COL6A3: variants seen among roughly 807,000 people sequenced by gnomAD.
COL6A3 encodes collagen alpha-3(VI) chain.
In COL6A3, 137 loss-of-function variants were observed where a neutral mutation model predicts 274.1. The observed-to-expected ratio is 0.50, with a 90% CI of 0.44 to 0.58. The LOEUF is 0.58. Among genes scored for constraint, COL6A3 ranks in the 20% least tolerant of loss-of-function variants. COL6A3 has a pLI of 0.00. For missense variants in COL6A3, 3,950 were observed against 4,124.9 expected, an observed-to-expected ratio of 0.96 and a Z score of 1.16; for synonymous variants, 1,650 against 1,650.6, an observed-to-expected ratio of 1.00 and a Z score of 0.01.
chr2:237,340,074 G>C (rs112589267), intron 38 of COL6A3, among the ~76,000 whole-genome samples: 2 of 152,118 alleles, frequency 1.3e-5, no homozygotes, highest in African/African-American at 4.8e-5. Flanking sequence ...AGCTTTCCCC[G>C]GTGCCCCTAA....
At chr2:237,357,507 T>G in intron 22 of COL6A3, 116 bp from the exon 23 acceptor site, 1 of 974,688 alleles carries the variant, frequency 1.0e-6, no homozygotes, top group South Asian at 1.3e-5. Flanking sequence ...AGAGCCCGTC[T>G]GCAGGACAGT....
In COL6A3 at chr2:237,351,269, C is replaced by G. The variant is rs551917490; in HGVS notation, c.6754-77G>C. ...AATTGGTCTCTGAAACCTGACTCTC[C>G]CCTGCATGGAAGTCAGAGCCCGCCA... is the stretch of plus-strand genomic sequence containing the variant. On this transcript the variant is annotated intron_variant, in intron 26 of 43. Coordinates refer to ENST00000295550, the MANE Select transcript of COL6A3 (RefSeq NM_004369.4). The G allele has an allele frequency of 3.5e-6, 5 of 1,411,968 alleles. No individual in the cohort carries two copies. The East Asian group carries it at 6.8e-5, about 19-fold the overall frequency. 87.5% of individuals were successfully genotyped at this position (1,411,968 alleles called of 1,614,324 possible).
Position 237,368,569 on chromosome 2 carries a change from G to T in COL6A3, c.4894C>A (p.Arg1632=). 6.2e-7 allele frequency: 1 copy of T among 1,614,144 alleles called. No homozygotes were observed. The highest frequency in any genetic ancestry group is 1.7e-5 in the Admixed American group (1 of 60,024). The change falls in exon 10 of 44, where the codon CGG becomes AGG. Residue 1632 remains arginine, a synonymous_variant. Transcript: ENST00000295550. This position sits in a 1 kb window ranked among gnomAD's most constrained non-coding sequence, Gnocchi z 4.4. ...PPGVDTPPPS[R]PEKKKADIVF... ...TGGGTCACACGGTGCATACCTGGCCGTGAAGGAGGAGGGGTGTCCACCCCT... is the reference window on the plus strand; with the variant it reads ...TGGGTCACACGGTGCATACCTGGCCTTGAAGGAGGAGGGGTGTCCACCCCT...
rs774406266 is a variant in COL6A3, at chr2:237,374,895, G to A, written c.3196C>T (p.Arg1066Cys). Residue 1066 changes from arginine to cysteine, a missense_variant, in exon 8 of 44, where the codon CGC (arginine) becomes TGC (cysteine). Coordinates refer to ENST00000295550, the MANE Select transcript of COL6A3 (RefSeq NM_004369.4). This position sits in a 1 kb window ranked among gnomAD's most constrained non-coding sequence, Gnocchi z 4.8. ...ESLDVGQDRV[R>C]VAVVQYSDRT... ...TCGCTGTACTGCACCACGGCCACGC[G>A]GACCCGGTCCTGGCCCACATCCAGG... 57 of 1,613,854 alleles carry A rather than the reference G, an allele frequency of 3.5e-5. No individual in the cohort carries two copies. The East Asian group carries it at 3.6e-4, about 10-fold the overall frequency.
At chr2:237,352,887 A>G (rs2077236743) in intron 25 of COL6A3, among the ~76,000 whole-genome samples, 1 of 152,216 alleles carries the variant, frequency 6.6e-6, no homozygotes, top group Non-Finnish European at 1.5e-5. Flanking sequence ...ATCTCCATCA[A>G]CCAATGAGTG....
rs1462613482 is a variant in COL6A3 at position 237,333,534 on chromosome 2, G to C, written c.9244C>G (p.Pro3082Ala). ...GCTGACCTTGCTGGCTGTGGAGGTG[G>C]GGGCTGAGATTTCTCTATAAAAGAA... is the stretch of plus-strand genomic sequence containing the variant. Reference protein sequence around the residue: ...GSFSTKKSQPPPPQPARSASS... With the variant: ...GSFSTKKSQPAPPQPARSASS... The change falls in exon 42 of 44, where the codon CCA becomes GCA. Residue 3082 changes from proline (P) to alanine (A), a missense_variant. Pro to Ala is a conservative substitution (Grantham distance 27). Transcript: ENST00000295550. 6.2e-7 allele frequency: 1 copy of C among 1,614,034 alleles called. No individual in the cohort carries two copies.
intron 1 of COL6A3, among the ~76,000 whole-genome samples, chr2:237,399,082 T>C (rs1277612393): frequency 6.6e-6 from 1 of 152,172 alleles, no homozygotes; most frequent in Non-Finnish European, 1.5e-5. Context: ...TGGTGCTCAA[T>C]AGCACCTGCC....
At position 237,366,848 on chromosome 2, in the gene COL6A3, T is replaced by C. The variant is rs750040219; in HGVS notation, c.5339A>G (p.Asn1780Ser). 1.1e-5 allele frequency: 17 copies of C among 1,614,124 alleles called. No homozygotes were observed. The highest frequency in any genetic ancestry group is 1.4e-5 in the Non-Finnish European group (16 of 1,180,044). The change falls in exon 11 of 44, where the codon AAT (asparagine) becomes AGT (serine). Residue 1780 changes from asparagine (N) to serine (S), a missense_variant. Asn to Ser is a conservative substitution (Grantham distance 46, BLOSUM62 1). Transcript: ENST00000295550. ...GVKVFAVGVR[N>S]IDSEEVGKIA... is the part of the protein sequence containing the mutation. ...CTTTCCAACCTCCTCCGAGTCGATA[T>C]TCCTCACTCCAACAGCAAACACTTT...
Position 237,340,907 on chromosome 2 carries a change from G to T in COL6A3, c.8009C>A (p.Ala2670Glu). Reference sequence around the variant, plus strand: ...GGCATTGTCCACGGACTCAGAGGGCGCGTGCTGCACAACTGCCACTCTGGC... The same window carrying T: ...GGCATTGTCCACGGACTCAGAGGGCTCGTGCTGCACAACTGCCACTCTGGC... ...HFARVAVVQHAPSESVDNASM... is the reference protein window; with the variant it reads ...HFARVAVVQHEPSESVDNASM... The change falls in exon 38 of 44, where the codon GCG becomes GAG. Residue 2670 changes from alanine to glutamate, a missense_variant. Ala to Glu is a moderately radical substitution (Grantham distance 107). Transcript: ENST00000295550. 6.2e-7 allele frequency: 1 copy of T among 1,613,320 alleles called. No homozygotes were observed. The highest frequency in any genetic ancestry group is 8.5e-7 in the Non-Finnish European group (1 of 1,179,396).
Position 237,368,096 on chromosome 2 carries a change from C to T in COL6A3, c.4900+467G>A, listed in dbSNP as rs780582685. ...CACTTTGCTTTTGCAGCCCCAAAGA[C>T]GAGAACCAGGAGCACGGGGTAGAAG... On this transcript the variant is annotated intron_variant, in intron 10 of 43. Transcript: ENST00000295550. The surrounding 1 kb of genome is among the most constrained non-coding windows in gnomAD (Gnocchi z 4.4). Among the ~76,000 whole-genome samples, 1 of 152,198 alleles carries T rather than the reference C, an allele frequency of 6.6e-6. No individual in the cohort carries two copies. The highest frequency in any genetic ancestry group is 1.5e-5 in the Non-Finnish European group (1 of 68,046).
rs756868781 is a variant in COL6A3, at chr2:237,340,716, G to A, written c.8200C>T (p.Arg2734Trp). 8 of 1,614,040 alleles carry A rather than the reference G, an allele frequency of 5.0e-6. No homozygotes were observed. In the South Asian group the frequency reaches 6.6e-5, roughly 13 times the overall value. ...ATCAGGACCACAATTTTCAGGTCCC[G>A]TGGGTTTGGGGCACTTTCAAAGACA... ...ENVFESAPNPRDLKIVVLMLT... is the reference protein window; with the variant it reads ...ENVFESAPNPWDLKIVVLMLT... Residue 2734 changes from arginine to tryptophan, a missense_variant, in exon 38 of 44, where the codon CGG becomes TGG. By Grantham distance (101) the Arg-to-Trp change is moderately radical (BLOSUM62 -3). This residue lies in a region of COL6A3 where 1,284 missense variants were observed against 1,349.7 expected (regional missense o/e 0.95). Transcript: ENST00000295550.
chr2:237,410,469 T>A (rs1380116598), intron 1 of COL6A3, among the ~76,000 whole-genome samples: 1 of 152,014 alleles, frequency 6.6e-6, no homozygotes, highest in Non-Finnish European at 1.5e-5. Context: ...GCCTGGTTAA[T>A]TTTTTAAAAC....
chr2:237,366,545 G>A (rs926583400), intron 11 of COL6A3, 142 bp downstream of exon 11: 2 of 1,229,200 alleles, frequency 1.6e-6, no homozygotes, highest in African/African-American at 1.5e-5. Flanking sequence ...TGGGTGTCAG[G>A]ACCAGTCCCA....
At position 237,363,366 on chromosome 2, in the gene COL6A3, G is replaced by T. The variant is rs771941724; in HGVS notation, c.5950C>A (p.Arg1984=). 1 of 1,614,068 alleles carries T rather than the reference G, an allele frequency of 6.2e-7. No homozygotes were observed. Among genetic ancestry groups the T allele is most frequent in the Non-Finnish European group, 8.5e-7 (1 of 1,180,020 alleles). The change falls in exon 14 of 44, where the codon CGA becomes AGA. Residue 1984 remains arginine, a synonymous_variant. Transcript: ENST00000295550. ...ATTAGCCGCTCCAAGTTGACCACTC[G>T]TTCAAGGCCCACCAGGATCAAGGCA... ...VRALILVGLE[R]VVNLERLMHL...
chr2:237,373,648 G>A (rs973906686), intron 8 of COL6A3, among the ~76,000 whole-genome samples: 3 of 152,044 alleles, frequency 2.0e-5, no homozygotes, highest in Non-Finnish European at 2.9e-5. Context: ...GGAAGAGCAG[G>A]CAAGTGAGTG....
chr2:237,346,373 G>T, intron 32 of COL6A3, 130 bp downstream of exon 32: 1 of 784,316 alleles, frequency 1.3e-6, no homozygotes, highest in Non-Finnish European at 2.3e-6. Context: ...CAGAGAGGCG[G>T]TTTGACAACC....
At chr2:237,388,275 C>G (rs879657025) in intron 3 of COL6A3, 91 bp from the exon 4 acceptor site, 17 of 1,510,340 alleles carry the variant, frequency 1.1e-5, no homozygotes, top group Non-Finnish European at 1.4e-5. Flanking sequence ...CTTTGGAAAC[C>G]AATAAGAAAC....
intron 29 of COL6A3, 83 bp downstream of exon 29, chr2:237,348,530 C>A: frequency 6.9e-7 from 1 of 1,453,496 alleles, no homozygotes; most frequent in Non-Finnish European, 9.6e-7. Context: ...AGAAATAATT[C>A]TTTTAAAACA....
chr2:237,405,511 G>A (rs947862131), intron 1 of COL6A3, among the ~76,000 whole-genome samples: 12 of 152,168 alleles, frequency 7.9e-5, no homozygotes, highest in African/African-American at 2.6e-4. Context: ...CCACCCTCCC[G>A]GAGGAAGGAG....
Sources: gnomAD v4.1 joint callset for allele counts (sites outside exome capture counted in the v4.1 genomes callset) on GRCh38, gnomAD v4.1.1 for gene constraint, gnomAD v4.1.1 regional missense constraint, Gnocchi (gnomAD v3.1) non-coding constraint, MANE v1.5 for transcripts, NCBI Gene and HGNC (gene_info 2026-07-23, HGNC 2026-07-21) for gene names.